KCNQ3: variants seen among roughly 807,000 people sequenced by gnomAD.
KCNQ3 encodes potassium voltage-gated channel subfamily KQT member 3.
KCNQ3 carries 30 observed loss-of-function variants against 92.5 expected under a neutral mutation model. That is an observed-to-expected ratio of 0.32 (90% CI 0.24 to 0.44). KCNQ3 has a LOEUF of 0.44. Among genes scored for constraint, KCNQ3 ranks in the 20% least tolerant of loss-of-function variants. The probability of loss-of-function intolerance (pLI) is 1.00; values close to 1 mark genes in which losing one functional copy is unlikely to be tolerated. For missense variants in KCNQ3, 913 were observed against 1,140.3 expected (o/e 0.80, Z 2.87); for synonymous variants, 450 against 468.8 (o/e 0.96, Z 0.52).
intron 1 of KCNQ3, among the ~76,000 whole-genome samples, chr8:132,364,781 T>C (rs1232649779): frequency 6.6e-6 from 1 of 152,156 alleles, no homozygotes; most frequent in Admixed American, 6.6e-5. Context: ...GGTGAGTCAG[T>C]ATGTACTTAT....
chr8:132,308,163 T>G (rs1034066823), intron 1 of KCNQ3, among the ~76,000 whole-genome samples: 2 of 152,012 alleles, frequency 1.3e-5, no homozygotes, highest in African/African-American at 2.4e-5. Context: ...AGGTTTGAGG[T>G]TGAATAAAAA....
intron 1 of KCNQ3, among the ~76,000 whole-genome samples, chr8:132,294,822 A>T (rs7841883): frequency 0.026 from 3,896 of 152,284 alleles, 179 homozygotes; most frequent in African/African-American, 0.088. Flanking sequence ...TACTACTTAA[A>T]GTTATTGGGC....
Position 132,444,627 on chromosome 8 carries a change from T to C in KCNQ3, c.386+35520A>G, listed in dbSNP as rs113417257. 8.8e-3 allele frequency among the ~76,000 whole-genome samples: 1,335 copies of C among 152,312 alleles called. 8 individuals carry two copies. Among genetic ancestry groups the C allele is most frequent in the Non-Finnish European group, 0.014 (981 of 68,022 alleles). On this transcript the variant is annotated intron_variant, in intron 1 of 14. Transcript: ENST00000388996. ...GTTGTGCAAACTGAGCATGTTAAAA[T>C]AAGCATAGCTCTACAGAATGCTACG...
At position 132,476,401 on chromosome 8, in the gene KCNQ3, C is replaced by T. The variant is rs72723131; in HGVS notation, c.386+3746G>A. On this transcript the variant is annotated intron_variant, in intron 1 of 14. Transcript: ENST00000388996. ...CTGGAAAAGCCACAGGTACTCAATG[C>T]CAGCCCATGGAAGCAGCCACAGGAG... Among the ~76,000 whole-genome samples, 1,068 of 152,336 alleles carry T rather than the reference C, an allele frequency of 7.0e-3. 6 individuals are homozygous for T. The highest frequency in any genetic ancestry group is 9.5e-3 in the Non-Finnish European group (648 of 68,026).
At chr8:132,284,200 G>C (rs766481700) in intron 1 of KCNQ3, among the ~76,000 whole-genome samples, 2 of 152,114 alleles carry the variant, frequency 1.3e-5, no homozygotes, top group African/African-American at 4.8e-5. Context: ...AAATAATAGG[G>C]CTTGAGAGTG....
chr8:132,324,282 G>A (rs750496010), intron 1 of KCNQ3, among the ~76,000 whole-genome samples: 3 of 152,072 alleles, frequency 2.0e-5, no homozygotes, highest in African/African-American at 7.2e-5. Context: ...TCATTCTAAT[G>A]TCCTTCCTTG....
At chr8:132,272,129 C>A (rs935858578) in intron 1 of KCNQ3, among the ~76,000 whole-genome samples, 3 of 152,236 alleles carry the variant, frequency 2.0e-5, no homozygotes, top group Admixed American at 2.0e-4. Context: ...GATGCTTAAC[C>A]TCTCTGAGCC....
chr8:132,335,514 TC>T (rs1818345061), intron 1 of KCNQ3, among the ~76,000 whole-genome samples: 1 of 152,160 alleles, frequency 6.6e-6, no homozygotes, highest in Admixed American at 6.5e-5. Flanking sequence ...GCCCAGCTAC[TC>T]ACCCTGGGGG....
chr8:132,382,213 T>C (rs564179216), intron 1 of KCNQ3, among the ~76,000 whole-genome samples: 132 of 152,350 alleles, frequency 8.7e-4, no homozygotes, highest in African/African-American at 3.0e-3. Context: ...TGTTGAAATG[T>C]GATCCCCGGT....
At chr8:132,321,883 C>T (rs1047076126) in intron 1 of KCNQ3, among the ~76,000 whole-genome samples, 2 of 152,158 alleles carry the variant, frequency 1.3e-5, no homozygotes, top group East Asian at 3.9e-4. Flanking sequence ...CTGTACTGGC[C>T]GGGCCCTGGG....
intron 1 of KCNQ3, among the ~76,000 whole-genome samples, chr8:132,277,520 C>T (rs962713137): frequency 2.6e-5 from 4 of 152,136 alleles, no homozygotes; most frequent in African/African-American, 9.7e-5. Flanking sequence ...TGAAGGAGGC[C>T]TCAGTAGACA....
chr8:132,326,454 C>T (rs1818054851), intron 1 of KCNQ3, among the ~76,000 whole-genome samples: 1 of 152,168 alleles, frequency 6.6e-6, no homozygotes, highest in South Asian at 2.1e-4. Context: ...GCAGTTAATA[C>T]TCACTCCCTC....
intron 1 of KCNQ3, among the ~76,000 whole-genome samples, chr8:132,375,183 C>T (rs1819575373): frequency 6.6e-6 from 1 of 152,010 alleles, no homozygotes; most frequent in Non-Finnish European, 1.5e-5. Context: ...TCATATTCAC[C>T]AACATTCACT....
At chr8:132,458,071 C>T (rs566844581) in intron 1 of KCNQ3, among the ~76,000 whole-genome samples, 1 of 152,282 alleles carries the variant, frequency 6.6e-6, no homozygotes, top group South Asian at 2.1e-4. Flanking sequence ...CTCCATAAAT[C>T]ATGTCAGAGT....
At chr8:132,379,177 T>C (rs1245872482) in intron 1 of KCNQ3, among the ~76,000 whole-genome samples, 1 of 152,240 alleles carries the variant, frequency 6.6e-6, no homozygotes, top group Non-Finnish European at 1.5e-5. Context: ...TACACATCAA[T>C]GAACAGAATC....
At chr8:132,268,806 A>G (rs1816067134) in intron 1 of KCNQ3, among the ~76,000 whole-genome samples, 1 of 152,182 alleles carries the variant, frequency 6.6e-6, no homozygotes, top group African/African-American at 2.4e-5. Context: ...GAAACTGTCA[A>G]ACTGTCTTCC....
At chr8:132,172,764 G>T (rs1826421159) in intron 6 of KCNQ3, 71 bp from the exon 7 acceptor site, 5 of 1,109,550 alleles carry the variant, frequency 4.5e-6, no homozygotes, top group Admixed American at 1.7e-5. Context: ...CATTGCCAGG[G>T]TAATGGGGAC....
intron 1 of KCNQ3, among the ~76,000 whole-genome samples, chr8:132,462,583 C>A (rs865910713): frequency 6.6e-6 from 1 of 152,224 alleles, no homozygotes; most frequent in Non-Finnish European, 1.5e-5. Context: ...CAGTGAGTGG[C>A]AGTGCTGGAA....
In KCNQ3 at chr8:132,168,978, G is replaced by A. The variant is rs191309635; in HGVS notation, c.1235+1356C>T. ...TAGGAGTCCAGCACACTACCCATAC[G>A]CTTAACAATCTGAGCTCAGGCCCCT... On this transcript the variant is annotated intron_variant, in intron 8 of 14. Coordinates refer to ENST00000388996, the MANE Select transcript of KCNQ3 (RefSeq NM_004519.4). Among the ~76,000 whole-genome samples the A allele has an allele frequency of 1.1e-4, 17 of 152,100 alleles. No homozygotes were observed. The East Asian group carries it at 1.9e-3, about 17-fold the overall frequency.
Sources: allele counts gnomAD v4.1 joint callset (sites outside exome capture counted in the v4.1 genomes callset), GRCh38; gene constraint gnomAD v4.1.1; transcripts MANE v1.5; gene names NCBI Gene and HGNC (gene_info 2026-07-23, HGNC 2026-07-21).